The following NRP1 variants were observed in gnomAD, a reference collection of about 807,000 sequenced individuals.
NRP1 encodes the protein neuropilin-1.
NRP1 carries 35 observed loss-of-function variants against 106.7 expected under a neutral mutation model. The observed-to-expected ratio is 0.33, with a 90% CI of 0.25 to 0.43. NRP1 has a LOEUF of 0.43. Ranked by LOEUF, NRP1 falls within the 20% of genes least tolerant of loss-of-function variation. The probability of loss-of-function intolerance (pLI) is 1.00; values close to 1 mark genes in which losing one functional copy is unlikely to be tolerated. For synonymous variants in NRP1, 437 were observed against 417.9 expected (o/e 1.05, Z -0.56); for missense variants, 1,024 against 1,170.4 (o/e 0.87, Z 1.83).
intron 2 of NRP1, among the ~76,000 whole-genome samples, chr10:33,299,609 G>C (rs1845658287): frequency 6.6e-6 from 1 of 152,072 alleles, no homozygotes; most frequent in African/African-American, 2.4e-5. Flanking sequence ...TGAGACCCCA[G>C]TCTCTACAAA....
chr10:33,313,439 T>C (rs1588975796), intron 2 of NRP1, among the ~76,000 whole-genome samples: 1 of 152,252 alleles, frequency 6.6e-6, no homozygotes, highest in Admixed American at 6.5e-5. Context: ...TTATTACACA[T>C]TGTAGGCCTG....
chr10:33,194,284 A>T (rs1261169301), intron 12 of NRP1: 1 of 156,116 alleles, frequency 6.4e-6, no homozygotes, highest in Non-Finnish European at 1.4e-5. Flanking sequence ...GAACATGTTA[A>T]TGTGTGTGTG....
chr10:33,211,755 T>C (rs1232497515), intron 9 of NRP1: 1 of 152,212 alleles, frequency 6.6e-6, no homozygotes, highest in Non-Finnish European at 1.5e-5. Context: ...TATTAAGCCA[T>C]GTTCCCACAC....
rs750905931 is a variant in NRP1 at position 33,249,084 on chromosome 10, G to GTTTTTT, written c.981+4938_981+4943dup. Among the ~76,000 whole-genome samples, 147 of 72,196 alleles carry GTTTTTT rather than the reference G, an allele frequency of 2.0e-3. 5 individuals carry two copies. Among genetic ancestry groups the GTTTTTT allele is most frequent in the East Asian group, 6.6e-3 (14 of 2,124 alleles). 47.4% of individuals were successfully genotyped at this position (72,196 alleles called of 152,430 possible). ...ATCCCACCCAGGTATTATGTCTCTT[G>GTTTTTT]TTTTTTTTTTTTTTTTTTTTTTTTG... On this transcript the variant is annotated intron_variant, in intron 6 of 16. Coordinates refer to ENST00000374867, the MANE Select transcript of NRP1 (RefSeq NM_003873.7).
At chr10:33,210,661 A>G (rs879611005) in intron 9 of NRP1, among the ~76,000 whole-genome samples, 4 of 152,218 alleles carry the variant, frequency 2.6e-5, no homozygotes, top group Admixed American at 6.5e-5. Flanking sequence ...TAGTTAATTC[A>G]AAGATTCTGA....
chr10:33,212,995 C>A, intron 9 of NRP1: 1 of 523,892 alleles, frequency 1.9e-6, no homozygotes, highest in Non-Finnish European at 3.4e-6. Context: ...ATAAAAGAAA[C>A]AAAGCACTTA....
At chr10:33,188,910 A>AATATAT (rs9299704) in intron 13 of NRP1, among the ~76,000 whole-genome samples, 1,991 of 111,318 alleles carry the variant, frequency 0.018, 60 homozygotes, top group African/African-American at 0.045. Flanking sequence ...CCCTGTCTTA[A>AATATAT]ATATATATAT....
rs754093395 is a variant in NRP1, at chr10:33,221,757, A to G, written c.1244T>C (p.Ile415Thr). ...ACCGTATACTTCAAATCTCATAGAT[A>G]TGCCAGTTTCCCAAGTTGCAGGCTT... is the stretch of plus-strand genomic sequence containing the variant. ...RIKPATWETGISMRFEVYGCK... is the reference protein window; with the variant it reads ...RIKPATWETGTSMRFEVYGCK... The change falls in exon 8 of 17, where the codon ATA becomes ACA. Residue 415 changes from isoleucine (I) to threonine (T), a missense_variant. This residue lies in a region of NRP1 where 562 missense variants were observed against 620.3 expected (regional missense o/e 0.91). Coordinates refer to ENST00000374867, the MANE Select transcript of NRP1 (RefSeq NM_003873.7). 1.9e-6 allele frequency: 3 copies of G among 1,614,176 alleles called. No individual in the cohort carries two copies. Among genetic ancestry groups the G allele is most frequent in the Non-Finnish European group, 2.5e-6 (3 of 1,180,010 alleles).
intron 2 of NRP1, among the ~76,000 whole-genome samples, chr10:33,276,235 C>T (rs562355324): frequency 6.6e-6 from 1 of 152,244 alleles, no homozygotes; most frequent in East Asian, 1.9e-4. Context: ...CAAATCAATA[C>T]CTGTTTGCCT....
Position 33,334,364 on chromosome 10 carries a change from G to T in NRP1, c.19C>A (p.Leu7Ile). 2 of 1,546,328 alleles carry T rather than the reference G, an allele frequency of 1.3e-6. No homozygotes were observed. The highest frequency in any genetic ancestry group is 1.7e-6 in the Non-Finnish European group (2 of 1,147,316). MERGLP[L>I]LCAVLALVLA... is the part of the protein sequence containing the mutation. ...ACGAGGGCGAGCACGGCGCAGAGGA[G>T]CGGCAGCCCCCTCTCCATTCTCCCT... Residue 7 changes from leucine (L) to isoleucine (I), a missense_variant, in exon 1 of 17, where the codon CTC becomes ATC. By Grantham distance (5) the Leu-to-Ile change is conservative. Transcript: ENST00000374867.
intron 2 of NRP1, among the ~76,000 whole-genome samples, chr10:33,313,297 G>A (rs553575230): frequency 1.3e-5 from 2 of 152,220 alleles, no homozygotes; most frequent in African/African-American, 4.8e-5. Context: ...AGTCAAGGAG[G>A]GTCTGGGCTG....
chr10:33,257,463 C>T (rs908353112), intron 4 of NRP1, among the ~76,000 whole-genome samples: 1 of 152,134 alleles, frequency 6.6e-6, no homozygotes, highest in Admixed American at 6.5e-5. Flanking sequence ...ATGGTGAAAC[C>T]CCGTTTCTAC....
intron 2 of NRP1, among the ~76,000 whole-genome samples, chr10:33,321,163 T>C (rs1017209651): frequency 1.3e-5 from 2 of 152,156 alleles, no homozygotes; most frequent in Admixed American, 1.3e-4. Flanking sequence ...ATTTTTGCAT[T>C]TTTAGTAGAG....
In NRP1 at chr10:33,180,235, C is replaced by T. The variant is rs747311929; in HGVS notation, c.2613G>A (p.Leu871=). 6.2e-7 allele frequency: 1 copy of T among 1,614,142 alleles called. No individual in the cohort carries two copies. Among genetic ancestry groups the T allele is most frequent in the South Asian group, 1.1e-5 (1 of 91,070 alleles). ...ACAGCACGACCCCACAGACAGCCCCCAGGAGGACCCCCAGGGCACTCATGG... is the reference window on the plus strand; with the variant it reads ...ACAGCACGACCCCACAGACAGCCCCTAGGAGGACCCCCAGGGCACTCATGG... The part of the protein sequence containing the change: ...IIAMSALGVL[L]GAVCGVVLYC... The change falls in exon 17 of 17, where the codon CTG becomes CTA. Residue 871 remains leucine, a synonymous_variant. Coordinates refer to ENST00000374867, the MANE Select transcript of NRP1 (RefSeq NM_003873.7).
intron 8 of NRP1, among the ~76,000 whole-genome samples, chr10:33,217,644 T>C (rs746194799): frequency 1.3e-4 from 20 of 152,160 alleles, no homozygotes; most frequent in Non-Finnish European, 2.5e-4. Flanking sequence ...TTCAGAGAAA[T>C]AATGAATAAT....
At chr10:33,202,317 A>G (rs1588711128) in intron 11 of NRP1, 1 of 218,054 alleles carries the variant, frequency 4.6e-6, no homozygotes, top group East Asian at 1.1e-4. Context: ...AATTAGTGAG[A>G]CATTTGGCAC....
rs530808683 is a variant in NRP1 at position 33,273,603 on chromosome 10, G to C, written c.249-2747C>G. Among the ~76,000 whole-genome samples, 46 of 152,312 alleles carry C rather than the reference G, an allele frequency of 3.0e-4. No homozygotes were observed. In the South Asian group the frequency reaches 5.6e-3, roughly 19 times the overall value. On this transcript the variant is annotated intron_variant, in intron 2 of 16. Coordinates refer to ENST00000374867, the MANE Select transcript of NRP1 (RefSeq NM_003873.7). ...TTGCCAGTGTGGCAAACACGGCATTGCTCGGGATGTCGAGATCCCCAGTCA... is the reference window on the plus strand; with the variant it reads ...TTGCCAGTGTGGCAAACACGGCATTCCTCGGGATGTCGAGATCCCCAGTCA...
In NRP1 at chr10:33,178,065, A is replaced by C. The variant is rs1191679598; in HGVS notation, c.*2011T>G. ...GCTTTCCTTCTGGTAGGATTATATC[A>C]ACTAAATGAATGTCTCTGGGGACAA... On this transcript the variant is annotated 3_prime_UTR_variant, in exon 17 of 17. Transcript: ENST00000374867. 1 of 152,640 alleles carries C rather than the reference A, an allele frequency of 6.6e-6. No individual in the cohort carries two copies. The allele number at this position is 152,640 out of a possible 1,614,324, so 9.5% of individuals were successfully genotyped here.
intron 2 of NRP1, among the ~76,000 whole-genome samples, chr10:33,291,892 T>C (rs1845020618): frequency 6.6e-6 from 1 of 152,186 alleles, no homozygotes; most frequent in South Asian, 2.1e-4. Flanking sequence ...TTTTTTTGTC[T>C]GTTTTGTTTT....
Sources: allele counts gnomAD v4.1 joint callset (sites outside exome capture counted in the v4.1 genomes callset), GRCh38; gene constraint gnomAD v4.1.1; regional missense constraint gnomAD v4.1.1; transcripts MANE v1.5; gene names NCBI Gene and HGNC (gene_info 2026-07-23, HGNC 2026-07-21).